Variants in PRKN observed in about 807,000 individuals in gnomAD.
PRKN encodes the protein parkin RBR E3 ubiquitin protein ligase.
In PRKN, 56 loss-of-function variants were observed where a neutral mutation model predicts 59.5. The ratio of observed to expected loss-of-function variants is 0.94; its 90% CI spans 0.76 to 1.18. The LOEUF (loss-of-function observed/expected upper bound fraction) is 1.18. Among genes scored for constraint, PRKN ranks in the 50% most tolerant of loss-of-function variants. The pLI is 0.00. For synonymous variants in PRKN, 250 were observed against 222.1 expected, an observed-to-expected ratio of 1.13 and a Z score of -1.12; for missense variants, 657 against 596.4, an observed-to-expected ratio of 1.10 and a Z score of -1.06.
chr6:162,614,333 G>GT (rs1246268239), intron 1 of PRKN, among the ~76,000 whole-genome samples: 1 of 152,086 alleles, frequency 6.6e-6, no homozygotes, highest in African/African-American at 2.4e-5. Flanking sequence ...CCATAAACCT[G>GT]TAAGTGCAAA....
intron 6 of PRKN, among the ~76,000 whole-genome samples, chr6:161,861,273 A>G (rs1793886166): frequency 6.6e-6 from 1 of 152,240 alleles, no homozygotes; most frequent in Non-Finnish European, 1.5e-5. Flanking sequence ...TGTCCTTTGC[A>G]GGGACATGGA....
rs187115022 is a variant in PRKN at position 162,142,898 on chromosome 6, A to C, written c.534+58233T>G. On this transcript the variant is annotated intron_variant, in intron 4 of 11. Coordinates refer to ENST00000366898, the MANE Select transcript of PRKN (RefSeq NM_004562.3). ...CTACTAGTCTGAGGAAAGCTACTAGAATTGAATAAAAAATTACTTATAAAC... is the reference window on the plus strand; with the variant it reads ...CTACTAGTCTGAGGAAAGCTACTAGCATTGAATAAAAAATTACTTATAAAC... Among the ~76,000 whole-genome samples, 731 of 152,328 alleles carry C rather than the reference A, an allele frequency of 4.8e-3. 6 individuals are homozygous for C. Among genetic ancestry groups the C allele is most frequent in the African/African-American group, 0.017 (686 of 41,574 alleles).
chr6:161,355,160 C>G lies in PRKN; in HGVS notation c.1285+4928G>C, dbSNP rs951790642. Among the ~76,000 whole-genome samples, 5 of 152,336 alleles carry G rather than the reference C, an allele frequency of 3.3e-5. 1 individual carries two copies. In the South Asian group the frequency reaches 1.0e-3, roughly 32 times the overall value. ...AGCAGGGGCTGCCTCCGCACACCGG[C>G]GCGCGCACACCCGGTGTCTTTGCTC... On this transcript the variant is annotated intron_variant, in intron 11 of 11. Transcript: ENST00000366898. The surrounding 1 kb of genome is among the most constrained non-coding windows in gnomAD (Gnocchi z 6.8).
chr6:162,573,486 G>A (rs2186817), intron 1 of PRKN, among the ~76,000 whole-genome samples: 80,187 of 151,526 alleles, frequency 0.53, 21,466 homozygotes, highest in East Asian at 0.71. Flanking sequence ...CAACGTTCCA[G>A]CTAGACCCAG....
intron 1 of PRKN, among the ~76,000 whole-genome samples, chr6:162,634,765 AG>A (rs1777646277): frequency 6.6e-6 from 1 of 152,156 alleles, no homozygotes; most frequent in African/African-American, 2.4e-5. Flanking sequence ...CTGGGACTAA[AG>A]GCACACGCCA....
chr6:161,948,927 C>T (rs1339198887), intron 6 of PRKN, among the ~76,000 whole-genome samples: 4 of 152,204 alleles, frequency 2.6e-5, no homozygotes, highest in Non-Finnish European at 5.9e-5. Flanking sequence ...TCGCAGGAAG[C>T]TTTTTGGGAA....
At chr6:161,976,331 T>C (rs996873322) in intron 5 of PRKN, among the ~76,000 whole-genome samples, 1 of 152,106 alleles carries the variant, frequency 6.6e-6, no homozygotes, top group African/African-American at 2.4e-5. Flanking sequence ...TCTGGGGCAG[T>C]GGAATATCAG....
intron 4 of PRKN, among the ~76,000 whole-genome samples, chr6:162,181,131 T>C (rs1055846196): frequency 2.0e-5 from 3 of 152,192 alleles, no homozygotes. Context: ...GGGAGTGGGC[T>C]GACCGAGGAA....
intron 2 of PRKN, among the ~76,000 whole-genome samples, chr6:162,310,775 A>G (rs1324952302): frequency 3.3e-5 from 5 of 151,342 alleles, no homozygotes; most frequent in African/African-American, 1.2e-4. Context: ...AAAAGCAGCA[A>G]TGGGAGACTT....
At chr6:162,606,080 G>A (rs1005693838) in intron 1 of PRKN, among the ~76,000 whole-genome samples, 1 of 152,106 alleles carries the variant, frequency 6.6e-6, no homozygotes, top group Non-Finnish European at 1.5e-5. Flanking sequence ...AGATCAATGT[G>A]CCTACAATGA....
At chr6:162,170,409 A>G (rs1783218056) in intron 4 of PRKN, among the ~76,000 whole-genome samples, 1 of 152,202 alleles carries the variant, frequency 6.6e-6, no homozygotes, top group Non-Finnish European at 1.5e-5. Context: ...TAGACATGCT[A>G]CTTTTTACTT....
chr6:162,550,492 G>T (rs960260789), intron 1 of PRKN, among the ~76,000 whole-genome samples: 1 of 152,092 alleles, frequency 6.6e-6, no homozygotes, highest in Admixed American at 6.5e-5. Flanking sequence ...TTGGGAGAAG[G>T]AGGAGCTGAA....
intron 1 of PRKN, among the ~76,000 whole-genome samples, chr6:162,450,776 G>A (rs1251502333): frequency 1.3e-5 from 2 of 152,154 alleles, no homozygotes; most frequent in Non-Finnish European, 2.9e-5. Context: ...AAGGAGATGA[G>A]TAAATGCAAT....
chr6:161,528,020 G>C (rs1444173228), intron 9 of PRKN, among the ~76,000 whole-genome samples: 1 of 152,140 alleles, frequency 6.6e-6, no homozygotes, highest in Non-Finnish European at 1.5e-5. Flanking sequence ...AGATTGAAAA[G>C]ACAGAAAAGA....
chr6:162,251,548 T>C (rs920141288), intron 3 of PRKN, among the ~76,000 whole-genome samples: 1 of 152,182 alleles, frequency 6.6e-6, no homozygotes. Context: ...AGAATTTCTT[T>C]CTTATCTTAA....
chr6:162,289,498 G>C (rs9347612), intron 2 of PRKN, among the ~76,000 whole-genome samples: 10,742 of 151,752 alleles, frequency 0.071, 1,071 homozygotes, highest in East Asian at 0.5. Context: ...TCAGCAGTTC[G>C]AGACCATGGC....
At chr6:161,452,385 G>A (rs2115128637) in intron 9 of PRKN, among the ~76,000 whole-genome samples, 1 of 152,272 alleles carries the variant, frequency 6.6e-6, no homozygotes, top group African/African-American at 2.4e-5. Flanking sequence ...CTTTGATACT[G>A]TTTACAAACT....
chr6:162,175,236 T>C lies in PRKN; in HGVS notation c.534+25895A>G, dbSNP rs151163250. On this transcript the variant is annotated intron_variant, in intron 4 of 11. Transcript: ENST00000366898. The stretch of plus-strand genomic sequence containing the variant: ...CCAGAGGTCATAGAGCAGGAAGACT[T>C]GGACCAAATTAAAATGCTTGAATCA... Among the ~76,000 whole-genome samples the C allele has an allele frequency of 8.2e-3, 1,249 of 152,294 alleles. 19 individuals carry two copies. Among genetic ancestry groups the C allele is most frequent in the African/African-American group, 0.029 (1,186 of 41,552 alleles).
intron 7 of PRKN, among the ~76,000 whole-genome samples, chr6:161,638,283 C>A (rs1268629253): frequency 6.6e-6 from 1 of 151,820 alleles, no homozygotes; most frequent in Non-Finnish European, 1.5e-5. Flanking sequence ...CAGGCACATG[C>A]CACCATGCCA....
Sources: allele counts gnomAD v4.1 joint callset (sites outside exome capture counted in the v4.1 genomes callset), GRCh38; gene constraint gnomAD v4.1.1; non-coding constraint Gnocchi (gnomAD v3.1); transcripts MANE v1.5; gene names NCBI Gene and HGNC (gene_info 2026-07-23, HGNC 2026-07-21).